UBE3D: variants seen among roughly 807,000 people sequenced by gnomAD.
UBE3D encodes E3 ubiquitin-protein ligase E3D.
Under a neutral mutation model 49.6 loss-of-function variants are expected in UBE3D, and 48 were observed. That is an observed-to-expected ratio of 0.97 (90% CI 0.77 to 1.23). The LOEUF (loss-of-function observed/expected upper bound fraction) is 1.23. Ranked by LOEUF, UBE3D falls within the 50% of genes most tolerant of loss-of-function variation. The pLI is 0.00. For synonymous variants in UBE3D, 189 were observed against 174.2 expected (o/e 1.08, Z -0.67); for missense variants, 452 against 468.4 (o/e 0.96, Z 0.32).
the UBE3D span, among the ~76,000 whole-genome samples, chr6:82,881,323 A>G: frequency 6.6e-6 from 1 of 152,298 alleles, no homozygotes. Context: ...AGTTGTGACA[A>G]TGTTGCCAGG....
At chr6:82,967,910 T>C (rs1380193126) in intron 8 of UBE3D, among the ~76,000 whole-genome samples, 1 of 152,154 alleles carries the variant, frequency 6.6e-6, no homozygotes, top group African/African-American at 2.4e-5. Context: ...CCAGAATAGG[T>C]GCAATTACAG....
intron 9 of UBE3D, among the ~76,000 whole-genome samples, chr6:82,947,035 G>A (rs1775457191): frequency 1.3e-5 from 2 of 151,718 alleles, no homozygotes; most frequent in Admixed American, 1.3e-4. Flanking sequence ...ATAACAAAAT[G>A]CCAGGAGTAA....
chr6:82,959,575 A>G (rs1158071500), intron 8 of UBE3D, among the ~76,000 whole-genome samples: 1 of 151,818 alleles, frequency 6.6e-6, no homozygotes, highest in African/African-American at 2.4e-5. Flanking sequence ...GAGCTCCCAC[A>G]TAGCTTTCTT....
chr6:83,063,412 T>TAAAAA (rs201669450), intron 1 of UBE3D, among the ~76,000 whole-genome samples: 1,311 of 42,890 alleles, frequency 0.031, no homozygotes, highest in Non-Finnish European at 0.041. Flanking sequence ...AGACGCTGTC[T>TAAAAA]AAAAAAAAAA....
At chr6:83,042,004 G>A (rs938110524) in intron 4 of UBE3D, among the ~76,000 whole-genome samples, 3 of 152,026 alleles carry the variant, frequency 2.0e-5, no homozygotes, top group Non-Finnish European at 2.9e-5. Flanking sequence ...CTGCCTCCCA[G>A]GTTCAAACGA....
At chr6:82,909,805 C>T (rs993040325) in intron 9 of UBE3D, among the ~76,000 whole-genome samples, 1 of 152,116 alleles carries the variant, frequency 6.6e-6, no homozygotes, top group African/African-American at 2.4e-5. Context: ...TTTTGGAAAC[C>T]TGACAACATC....
At chr6:82,986,868 TAATA>T (rs1232226029) in intron 8 of UBE3D, among the ~76,000 whole-genome samples, 8 of 149,004 alleles carry the variant, frequency 5.4e-5, no homozygotes, top group Non-Finnish European at 1.2e-4. Context: ...ATTTTATATA[TAATA>T]AATTAATTAT....
At chr6:82,905,742 T>C (rs1354400452) in intron 9 of UBE3D, among the ~76,000 whole-genome samples, 1 of 152,094 alleles carries the variant, frequency 6.6e-6, no homozygotes, top group African/African-American at 2.4e-5. Context: ...ATCCCAGCAG[T>C]CCTCCCTCCC....
downstream of UBE3D, among the ~76,000 whole-genome samples, chr6:82,890,791 T>C (rs1194393716): frequency 6.6e-6 from 1 of 152,176 alleles, no homozygotes; most frequent in Non-Finnish European, 1.5e-5. Flanking sequence ...ATTCTTCTAG[T>C]TGGGTTTTTT....
At chr6:82,963,390 G>T (rs1419219235) in intron 8 of UBE3D, among the ~76,000 whole-genome samples, 3 of 152,040 alleles carry the variant, frequency 2.0e-5, no homozygotes, top group African/African-American at 7.2e-5. Context: ...ATTAGTCTTG[G>T]TTCTCTAGAG....
intron 8 of UBE3D, among the ~76,000 whole-genome samples, chr6:82,985,403 C>A (rs1273661139): frequency 6.6e-6 from 1 of 151,964 alleles, no homozygotes; most frequent in African/African-American, 2.4e-5. Context: ...CTTTCTGTTG[C>A]CCAGGCTGGA....
chr6:83,045,951 A>C (rs1782997440), intron 3 of UBE3D, among the ~76,000 whole-genome samples: 1 of 152,132 alleles, frequency 6.6e-6, no homozygotes, highest in Non-Finnish European at 1.5e-5. Flanking sequence ...TGCAAAGATC[A>C]GGTATTTTAC....
chr6:82,890,184 A>G (rs1770954989), downstream of UBE3D, among the ~76,000 whole-genome samples: 1 of 152,136 alleles, frequency 6.6e-6, no homozygotes, highest in Non-Finnish European at 1.5e-5. Flanking sequence ...CCCTCCCAGC[A>G]TGGTTTAAAA....
chr6:82,996,363 T>C (rs949339911), intron 8 of UBE3D, among the ~76,000 whole-genome samples: 1 of 151,228 alleles, frequency 6.6e-6, no homozygotes, highest in Non-Finnish European at 1.5e-5. Context: ...AATAAAATCA[T>C]AGTATGGATT....
At chr6:82,883,753 C>A in the UBE3D span, among the ~76,000 whole-genome samples, 5 of 152,116 alleles carry the variant, frequency 3.3e-5, no homozygotes, top group African/African-American at 7.2e-5. Flanking sequence ...TAGTCCCAAA[C>A]TTAAAGTTGG....
intron 9 of UBE3D, among the ~76,000 whole-genome samples, chr6:82,896,496 G>C (rs1771328780): frequency 1.3e-5 from 2 of 152,178 alleles, no homozygotes; most frequent in South Asian, 4.1e-4. Flanking sequence ...TGGAAATGGA[G>C]AGAGGGAGAG....
chr6:82,990,150 G>T (rs1049126840), intron 8 of UBE3D, among the ~76,000 whole-genome samples: 25 of 152,148 alleles, frequency 1.6e-4, no homozygotes, highest in Admixed American at 1.6e-3. Context: ...TAGCTGGGTG[G>T]CTCTGGTTTA....
downstream of UBE3D, among the ~76,000 whole-genome samples, chr6:82,887,531 A>G (rs74696025): frequency 0.32 from 48,604 of 150,220 alleles, 9,188 homozygotes; most frequent in African/African-American, 0.51. Context: ...CAACATGGTG[A>G]AATCCCATTG....
chr6:82,981,857 A>G (rs1253484134), intron 8 of UBE3D, among the ~76,000 whole-genome samples: 1 of 152,158 alleles, frequency 6.6e-6, no homozygotes, highest in Non-Finnish European at 1.5e-5. Flanking sequence ...GTAGTAATGT[A>G]TATACATCTA....
Sources: gnomAD v4.1 joint callset for allele counts (sites outside exome capture counted in the v4.1 genomes callset) on GRCh38, gnomAD v4.1.1 for gene constraint, MANE v1.5 for transcripts, NCBI Gene and HGNC (gene_info 2026-07-23, HGNC 2026-07-21) for gene names.